DPYD: variants seen among roughly 807,000 people sequenced by gnomAD.
DPYD encodes the protein dihydropyrimidine dehydrogenase [NADP(+)].
DPYD carries 109 observed loss-of-function variants against 116.2 expected under a neutral mutation model. The observed-to-expected ratio is 0.94, with a 90% confidence interval of 0.80 to 1.10. The LOEUF (loss-of-function observed/expected upper bound fraction) is 1.10. DPYD is among the 50% of genes least tolerant of loss of function. DPYD has a pLI of 0.00. For synonymous variants in DPYD, 440 were observed against 432.0 expected (o/e 1.02, Z -0.23); for missense variants, 1,302 against 1,254.5 (o/e 1.04, Z -0.57).
At chr1:97,640,130 G>A (rs1240241634) in intron 8 of DPYD, among the ~76,000 whole-genome samples, 1 of 152,060 alleles carries the variant, frequency 6.6e-6, no homozygotes, top group Admixed American at 6.6e-5. Context: ...TACTAATGAA[G>A]TCAAGTTACG....
At chr1:97,836,801 CAATA>C (rs1472471777) in intron 2 of DPYD, among the ~76,000 whole-genome samples, 2 of 151,798 alleles carry the variant, frequency 1.3e-5, no homozygotes, top group African/African-American at 4.8e-5. Flanking sequence ...ACATAAGTCT[CAATA>C]AATAGTGCCT....
rs1208012360 is a variant in DPYD, at chr1:97,525,461, T to G, written c.1525-9520A>C. Among the ~76,000 whole-genome samples, 3 of 152,100 alleles carry G rather than the reference T, an allele frequency of 2.0e-5. No homozygotes were observed. The East Asian group carries it at 5.8e-4, about 29-fold the overall frequency. On this transcript the variant is annotated intron_variant, in intron 12 of 22. Coordinates refer to ENST00000370192, the MANE Select transcript of DPYD (RefSeq NM_000110.4). ...CTTATTTGCTTACATATATGCTATC[T>G]CCCGCTTGATTTAATTTCAGCACCT...
chr1:97,397,356 T>C (rs181469716), intron 14 of DPYD, among the ~76,000 whole-genome samples: 1 of 152,100 alleles, frequency 6.6e-6, no homozygotes, highest in African/African-American at 2.4e-5. Flanking sequence ...TGAACCTATA[T>C]TGACACAGCA....
At chr1:97,894,729 T>A (rs1341511050) in intron 1 of DPYD, among the ~76,000 whole-genome samples, 1 of 151,590 alleles carries the variant, frequency 6.6e-6, no homozygotes, top group Non-Finnish European at 1.5e-5. Flanking sequence ...AATTGAGAAA[T>A]AAAGTGTCAA....
At chr1:97,238,352 G>T (rs535072069) in intron 18 of DPYD, among the ~76,000 whole-genome samples, 1 of 152,082 alleles carries the variant, frequency 6.6e-6, no homozygotes, top group African/African-American at 2.4e-5. Context: ...TAACTCAACT[G>T]ATTTAATACA....
intron 4 of DPYD, among the ~76,000 whole-genome samples, chr1:97,736,850 T>TTTTG (rs1553230675): frequency 1.4e-5 from 2 of 142,024 alleles, no homozygotes; most frequent in African/African-American, 5.3e-5. Flanking sequence ...GTGTGTGCAT[T>TTTTG]TGTGTGTGTG....
At chr1:97,229,564 AT>A (rs1320876833) in intron 19 of DPYD, among the ~76,000 whole-genome samples, 5 of 128,764 alleles carry the variant, frequency 3.9e-5, no homozygotes, top group East Asian at 2.0e-4. Flanking sequence ...ATATATATAT[AT>A]ATATATATAT....
intron 15 of DPYD, among the ~76,000 whole-genome samples, chr1:97,376,746 C>T (rs1671640319): frequency 6.6e-6 from 1 of 152,084 alleles, no homozygotes; most frequent in Non-Finnish European, 1.5e-5. Flanking sequence ...TATTCCACCT[C>T]ACCTAAATGG....
chr1:97,333,142 G>A lies in DPYD; in HGVS notation c.2059-26845C>T, dbSNP rs895520949. Among the ~76,000 whole-genome samples, 5 of 144,848 alleles carry A rather than the reference G, an allele frequency of 3.5e-5. No individual in the cohort carries two copies. In the South Asian group the frequency reaches 8.7e-4, roughly 25 times the overall value. ...CCATGATCTGCTCACTGCAACCTCCGCCTCCCTGGTTTTCAAGCGATTACC... is the reference window on the plus strand; with the variant it reads ...CCATGATCTGCTCACTGCAACCTCCACCTCCCTGGTTTTCAAGCGATTACC... On this transcript the variant is annotated intron_variant, in intron 16 of 22. Transcript: ENST00000370192.
intron 2 of DPYD, among the ~76,000 whole-genome samples, chr1:97,832,044 A>AC (rs1557995394): frequency 3.4e-5 from 2 of 59,458 alleles, no homozygotes; most frequent in Admixed American, 2.2e-4. Context: ...TATATAATGT[A>AC]TTGTGTGTGT....
At chr1:97,691,521 G>T in intron 7 of DPYD, 196 bp downstream of exon 7, 1 of 535,796 alleles carries the variant, frequency 1.9e-6, no homozygotes, top group East Asian at 3.2e-5. Context: ...ACTATTGATT[G>T]CCCTTTTCCA....
At chr1:97,828,939 T>C (rs530037546) in intron 2 of DPYD, among the ~76,000 whole-genome samples, 7 of 152,044 alleles carry the variant, frequency 4.6e-5, no homozygotes, top group African/African-American at 1.7e-4. Context: ...AAAAGTACTT[T>C]AAAAAATTTT....
chr1:97,461,171 G>A (rs1677009800), intron 13 of DPYD, among the ~76,000 whole-genome samples: 2 of 151,798 alleles, frequency 1.3e-5, no homozygotes, highest in Non-Finnish European at 1.5e-5. Context: ...CCCTTCTATT[G>A]CTTGTGCTGC....
chr1:97,369,724 A>C (rs1671220331), intron 16 of DPYD, among the ~76,000 whole-genome samples: 1 of 152,208 alleles, frequency 6.6e-6, no homozygotes, highest in East Asian at 1.9e-4. Context: ...TTGCTTAAGC[A>C]TCAGGGTTAT....
At chr1:97,510,019 C>A (rs967974288) in intron 13 of DPYD, among the ~76,000 whole-genome samples, 3 of 151,680 alleles carry the variant, frequency 2.0e-5, no homozygotes, top group African/African-American at 7.3e-5. Context: ...GAATAGGGTG[C>A]TATAACTTTA....
At chr1:97,607,633 A>C (rs1396024625) in intron 8 of DPYD, among the ~76,000 whole-genome samples, 1 of 151,894 alleles carries the variant, frequency 6.6e-6, no homozygotes, top group Non-Finnish European at 1.5e-5. Context: ...ACCTTAAGGA[A>C]GGAAAGAGAA....
At chr1:97,383,693 G>T (rs773086091) in intron 14 of DPYD, among the ~76,000 whole-genome samples, 14 of 152,064 alleles carry the variant, frequency 9.2e-5, no homozygotes, top group Non-Finnish European at 1.2e-4. Flanking sequence ...ACAGCGCCAG[G>T]ACCCAGAGCC....
intron 20 of DPYD, among the ~76,000 whole-genome samples, chr1:97,142,271 G>A (rs1654281511): frequency 6.6e-6 from 1 of 152,126 alleles, no homozygotes; most frequent in Non-Finnish European, 1.5e-5. Flanking sequence ...TCTATCTTCA[G>A]TTAGACTTTG....
rs192396775 is a variant in DPYD, at chr1:97,316,743, T to C, written c.2059-10446A>G. On this transcript the variant is annotated intron_variant, in intron 16 of 22. Transcript: ENST00000370192. Reference sequence around the variant, plus strand: ...TACATTTCTAGACTTTATCCATTGTTCACTTCTTTCTGGATTGGATCCCTC... The same window carrying C: ...TACATTTCTAGACTTTATCCATTGTCCACTTCTTTCTGGATTGGATCCCTC... Among the ~76,000 whole-genome samples the C allele has an allele frequency of 2.6e-4, 40 of 151,786 alleles. No homozygotes were observed. In the East Asian group the frequency reaches 7.1e-3, roughly 27 times the overall value.
Sources: gnomAD v4.1 joint callset for allele counts (sites outside exome capture counted in the v4.1 genomes callset) on GRCh38, gnomAD v4.1.1 for gene constraint, MANE v1.5 for transcripts, NCBI Gene and HGNC (gene_info 2026-07-23, HGNC 2026-07-21) for gene names.